Variants in RIF1 observed in about 807,000 individuals in gnomAD.
RIF1 encodes telomere-associated protein RIF1.
In RIF1, 45 loss-of-function variants were observed where a neutral mutation model predicts 247.1. That is an observed-to-expected ratio of 0.18 (90% CI 0.14 to 0.23). The LOEUF (loss-of-function observed/expected upper bound fraction) is 0.23, where lower values mean the gene tolerates loss of function less well. Ranked by LOEUF, RIF1 falls within the 10% of genes least tolerant of loss-of-function variation. The probability of loss-of-function intolerance (pLI) is 1.00; values close to 1 mark genes in which losing one functional copy is unlikely to be tolerated. For synonymous variants in RIF1, 1,087 were observed against 978.8 expected, an observed-to-expected ratio of 1.11 and a Z score of -2.06; for missense variants, 2,967 against 2,862.5, an observed-to-expected ratio of 1.04 and a Z score of -0.83.
chr2:151,472,354 C>T (rs1334575366), intron 34 of RIF1, among the ~76,000 whole-genome samples: 2 of 152,144 alleles, frequency 1.3e-5, no homozygotes, highest in Non-Finnish European at 2.9e-5. Context: ...TAAGTGAATA[C>T]CCTTTATTTC....
intron 21 of RIF1, among the ~76,000 whole-genome samples, chr2:151,454,344 T>C (rs1455215439): frequency 6.6e-6 from 1 of 152,196 alleles, no homozygotes; most frequent in Non-Finnish European, 1.5e-5. Flanking sequence ...ACAGTACTTT[T>C]AGGACAAATC....
chr2:151,428,571 G>C (rs1356924153), intron 8 of RIF1, among the ~76,000 whole-genome samples: 1 of 152,088 alleles, frequency 6.6e-6, no homozygotes, highest in East Asian at 1.9e-4. Context: ...TTTAGAATGT[G>C]TGTTTAAAGT....
Position 151,475,027 on chromosome 2 carries a change from C to A in RIF1, c.7375C>A (p.Leu2459Ile), listed in dbSNP as rs780951657. The change falls in exon 36 of 36, where the codon CTA becomes ATA. Residue 2459 changes from leucine to isoleucine, a missense_variant. This residue lies in a region of RIF1 where 151 missense variants were observed against 163.4 expected (regional missense o/e 0.92). Coordinates refer to ENST00000444746, the MANE Select transcript of RIF1 (RefSeq NM_018151.5). ...SCMANSVIKN[L>I]QSRWRSPSHE... ...TATGGCAAACTCTGTAATAAAAAAT[C>A]TACAGTCACGTTGGAGATCACCATC... The A allele has an allele frequency of 6.2e-7, 1 of 1,613,462 alleles. No individual in the cohort carries two copies. The highest frequency in any genetic ancestry group is 1.1e-5 in the South Asian group (1 of 91,050).
chr2:151,467,387 G>A (rs1300876723), intron 30 of RIF1, among the ~76,000 whole-genome samples: 1 of 151,930 alleles, frequency 6.6e-6, no homozygotes, highest in African/African-American at 2.4e-5. Context: ...CTGTCTGTAA[G>A]ACAGAGTAGT....
intron 2 of RIF1, among the ~76,000 whole-genome samples, chr2:151,411,051 T>C (rs554965085): frequency 1.3e-5 from 2 of 152,234 alleles, no homozygotes; most frequent in Admixed American, 6.5e-5. Context: ...ATGTACTCGA[T>C]GTAAAAACTT....
chr2:151,511,580 G>A (rs539748914), downstream of RIF1, among the ~76,000 whole-genome samples: 3 of 152,268 alleles, frequency 2.0e-5, no homozygotes, highest in South Asian at 6.2e-4. Context: ...CACAGCTAGG[G>A]CACGTTAACT....
rs1175945399 is a variant in RIF1, at chr2:151,477,561, C to G, written c.*2490C>G. 2 of 152,188 alleles carry G rather than the reference C, an allele frequency of 1.3e-5. No homozygotes were observed. Among genetic ancestry groups the G allele is most frequent in the Non-Finnish European group, 2.9e-5 (2 of 68,184 alleles). 9.4% of individuals were successfully genotyped at this position (152,188 alleles called of 1,614,324 possible). ...TCCCAAGTAGCTGGGACTACAGGTG[C>G]CCGCCACCATGCCCGGCTAATTTTT... On this transcript the variant is annotated 3_prime_UTR_variant, in exon 36 of 36. Transcript: ENST00000444746.
At chr2:151,430,147 A>G (rs1689818558) in intron 9 of RIF1, among the ~76,000 whole-genome samples, 1 of 150,836 alleles carries the variant, frequency 6.6e-6, no homozygotes, top group Non-Finnish European at 1.5e-5. Flanking sequence ...CAGCCTCCCG[A>G]TTAGTTGGGA....
Position 151,451,698 on chromosome 2 carries a change from A to C in RIF1, c.2337A>C (p.Lys779Asn), listed in dbSNP as rs1694342865. The C allele has an allele frequency of 1.4e-6, 2 of 1,391,374 alleles. No homozygotes were observed. Among genetic ancestry groups the C allele is most frequent in the Non-Finnish European group, 2.0e-6 (2 of 979,454 alleles). 86.2% of individuals were successfully genotyped at this position (1,391,374 alleles called of 1,614,324 possible). ...FSPYNIKYQP[K>N]VKSPQRPSDW... The stretch of plus-strand genomic sequence containing the variant: ...CATATAATATTAAATATCAGCCCAA[A>C]GTTAAATGTAAGTATGTATTTTTTA... The change falls in exon 21 of 36, where the codon AAA becomes AAC. Residue 779 changes from lysine (K) to asparagine (N), a missense_variant. Around this residue, in one of 7 missense-constraint regions of RIF1, gnomAD observed 2,028 missense variants for 1,825.6 expected, o/e 1.11. Transcript: ENST00000444746.
chr2:151,457,429 ATCAAC>A (rs1695390976), intron 23 of RIF1, among the ~76,000 whole-genome samples: 1 of 152,142 alleles, frequency 6.6e-6, no homozygotes, highest in African/African-American at 2.4e-5. Flanking sequence ...AGCCTAGTTA[ATCAAC>A]TCTTAGCTCA....
chr2:151,504,099 C>T (rs1050965167), intron 12 of RIF1, among the ~76,000 whole-genome samples: 1 of 152,144 alleles, frequency 6.6e-6, no homozygotes, highest in Non-Finnish European at 1.5e-5. Flanking sequence ...CATTAAGGAA[C>T]CTCCACTCTC....
chr2:151,531,793 T>A, the RIF1 span: 1 of 1,606,326 alleles, frequency 6.2e-7, no homozygotes, highest in Non-Finnish European at 8.5e-7. Flanking sequence ...TGCACTTACA[T>A]CGCTGATTTG....
downstream of RIF1, chr2:151,486,031 CTTAAG>C: frequency 7.9e-7 from 1 of 1,269,234 alleles, no homozygotes. Context: ...ACTCCACAAA[CTTAAG>C]TTGAACAAAA....
chr2:151,413,754 T>C (rs182930026), intron 3 of RIF1, among the ~76,000 whole-genome samples: 5 of 152,300 alleles, frequency 3.3e-5, no homozygotes, highest in Non-Finnish European at 1.5e-5. Flanking sequence ...GTTTTGTAAA[T>C]ATAGAAGACA....
intron 9 of RIF1, among the ~76,000 whole-genome samples, chr2:151,431,869 C>T (rs1573953437): frequency 6.6e-6 from 1 of 152,298 alleles, no homozygotes; most frequent in Admixed American, 6.5e-5. Context: ...AGAACTTGTT[C>T]ATACAGTGAT....
At position 151,451,643 on chromosome 2, in the gene RIF1, C is replaced by T; in HGVS notation, c.2282C>T (p.Thr761Ile). The T allele has an allele frequency of 6.8e-7, 1 of 1,472,662 alleles. No homozygotes were observed. The highest frequency in any genetic ancestry group is 9.5e-7 in the Non-Finnish European group (1 of 1,052,764). 91.2% of individuals were successfully genotyped at this position (1,472,662 alleles called of 1,614,324 possible). The change falls in exon 21 of 36, where the codon ACT (threonine) becomes ATT (isoleucine). Residue 761 changes from threonine to isoleucine, a missense_variant. This residue lies in a region of RIF1 where 2,028 missense variants were observed against 1,825.6 expected (regional missense o/e 1.11). Coordinates refer to ENST00000444746, the MANE Select transcript of RIF1 (RefSeq NM_018151.5). ...LFVDRIIYIITVMVDCIDFSP... is the reference protein window; with the variant it reads ...LFVDRIIYIIIVMVDCIDFSP... ...GTGGATAGAATTATTTATATTATTACTGTAATGGTTGATTGCATTGACTTC... is the reference window on the plus strand; with the variant it reads ...GTGGATAGAATTATTTATATTATTATTGTAATGGTTGATTGCATTGACTTC...
At chr2:151,534,325 C>T in the RIF1 span, 1 of 1,610,010 alleles carries the variant, frequency 6.2e-7, no homozygotes. Flanking sequence ...TTTTTCTGCT[C>T]AAACATCATA....
intron 15 of RIF1, 116 bp from the exon 16 acceptor site, chr2:151,441,789 A>G (rs1016636943): frequency 4.1e-6 from 2 of 491,778 alleles, no homozygotes; most frequent in East Asian, 4.2e-5. Context: ...ATGAGATTAT[A>G]TTTACGTTAA....
intron 15 of RIF1, 135 bp from the exon 16 acceptor site, chr2:151,441,770 T>C (rs1233732642): frequency 1.1e-5 from 5 of 467,024 alleles, no homozygotes; most frequent in Non-Finnish European, 2.0e-5. Context: ...ATTTGATCTT[T>C]TTTAACTAAT....
Sources: gnomAD v4.1 joint callset for allele counts (sites outside exome capture counted in the v4.1 genomes callset) on GRCh38, gnomAD v4.1.1 for gene constraint, gnomAD v4.1.1 regional missense constraint, MANE v1.5 for transcripts, NCBI Gene and HGNC (gene_info 2026-07-23, HGNC 2026-07-21) for gene names.